Variants in TRIM37 observed in about 807,000 individuals in gnomAD.
The protein encoded by TRIM37 is E3 ubiquitin-protein ligase TRIM37.
Under a neutral mutation model 129.8 loss-of-function variants are expected in TRIM37, and 80 were observed. The observed-to-expected ratio is 0.62, with a 90% CI of 0.51 to 0.74. TRIM37 has a LOEUF of 0.74. Among genes scored for constraint, TRIM37 ranks in the 30% least tolerant of loss-of-function variants. The pLI is 0.00. For missense variants in TRIM37, 1,054 were observed against 1,176.5 expected, an observed-to-expected ratio of 0.90 and a Z score of 1.52; for synonymous variants, 389 against 387.1, an observed-to-expected ratio of 1.00 and a Z score of -0.06.
chr17:59,028,916 T>C (rs775361220), intron 18 of TRIM37, among the ~76,000 whole-genome samples, 193 bp from the exon 19 acceptor site: 23 of 152,226 alleles, frequency 1.5e-4, no homozygotes, highest in Non-Finnish European at 8.8e-5. Context: ...CCTTCAGAGT[T>C]AGAATCTGAG....
At chr17:59,039,618 T>C (rs1599075982) in intron 17 of TRIM37, among the ~76,000 whole-genome samples, 1 of 152,080 alleles carries the variant, frequency 6.6e-6, no homozygotes, top group East Asian at 1.9e-4. Flanking sequence ...GTGCTGGGAT[T>C]ACAGGTGTGA....
At chr17:59,038,022 C>T (rs570396737) in intron 17 of TRIM37, among the ~76,000 whole-genome samples, 1 of 152,044 alleles carries the variant, frequency 6.6e-6, no homozygotes, top group Non-Finnish European at 1.5e-5. Flanking sequence ...TATAAAGTAC[C>T]ATTGTCAACA....
chr17:58,972,402 G>A, the TRIM37 span: 2 of 1,014,576 alleles, frequency 2.0e-6, no homozygotes, highest in Non-Finnish European at 2.8e-6. Context: ...CCAGGCTGGA[G>A]TGCAATGGTG....
Position 59,014,946 on chromosome 17 carries a change from G to T in TRIM37, c.2576+664C>A, listed in dbSNP as rs943970577. ...AAAAAATCAGCTGGGCGTGGTGGTG[G>T]GCGCCTGTAGTCCTGGCTACTTGGA... On this transcript the variant is annotated intron_variant, in intron 21 of 23. Transcript: ENST00000262294. Among the ~76,000 whole-genome samples the T allele has an allele frequency of 5.9e-5, 9 of 151,360 alleles. 1 individual carries two copies. The highest frequency in any genetic ancestry group is 5.3e-4 in the Admixed American group (8 of 15,198).
rs1257525367 is a variant in TRIM37, at chr17:59,091,183, T to C, written c.164+117A>G. The stretch of plus-strand genomic sequence containing the variant: ...GTCAAATTGCTTATTTCTACTCAAC[T>C]ATCTTCACGAAGAAGAGAAATGGGC... On this transcript the variant is annotated intron_variant, in intron 3 of 23. Transcript: ENST00000262294. 8 of 549,962 alleles carry C rather than the reference T, an allele frequency of 1.5e-5. No individual in the cohort carries two copies. In the East Asian group the frequency reaches 3.1e-4, roughly 22 times the overall value. The allele number at this position is 549,962 out of a possible 1,614,324, so 34.1% of individuals were successfully genotyped here.
At chr17:58,991,626 C>G (rs1323209997) in intron 24 of TRIM37, among the ~76,000 whole-genome samples, 1 of 152,100 alleles carries the variant, frequency 6.6e-6, no homozygotes, top group Non-Finnish European at 1.5e-5. Context: ...CAGGATCGCT[C>G]TGAATATAGA....
intron 17 of TRIM37, among the ~76,000 whole-genome samples, chr17:59,039,014 T>G (rs1403439757): frequency 1.3e-5 from 2 of 152,176 alleles, no homozygotes; most frequent in South Asian, 2.1e-4. Context: ...AACCATGGAC[T>G]GGTTCTGGCC....
At chr17:59,032,125 C>T (rs769344386) in intron 17 of TRIM37, 35 bp from the exon 18 acceptor site, 3 of 1,595,060 alleles carry the variant, frequency 1.9e-6, no homozygotes, top group Non-Finnish European at 1.7e-6. Flanking sequence ...TATATATATG[C>T]ACAAACTTAG....
the TRIM37 span, among the ~76,000 whole-genome samples, chr17:58,969,980 A>G: frequency 1.3e-5 from 2 of 152,162 alleles, no homozygotes; most frequent in Non-Finnish European, 2.9e-5. Context: ...TAACTGCTGG[A>G]TTTGGCAGGT....
At chr17:59,032,531 C>CAAAAAAAAAA (rs35442859) in intron 17 of TRIM37, among the ~76,000 whole-genome samples, 2 of 84,782 alleles carry the variant, frequency 2.4e-5, no homozygotes, top group African/African-American at 9.3e-5. Flanking sequence ...GACTCCGTCT[C>CAAAAAAAAAA]AAAAAAAAAA....
chr17:58,971,590 G>A, the TRIM37 span, among the ~76,000 whole-genome samples: 1 of 152,176 alleles, frequency 6.6e-6, no homozygotes, highest in African/African-American at 2.4e-5. Context: ...TAGTACTCCA[G>A]GGAACGTAAG....
chr17:59,088,121 C>T (rs2043942165), intron 4 of TRIM37, 170 bp downstream of exon 4: 1 of 625,066 alleles, frequency 1.6e-6, no homozygotes, highest in Middle Eastern at 4.2e-4. Context: ...TAAATAAACA[C>T]AATAAGAATA....
At chr17:59,058,499 G>GT (rs1368894888) in intron 12 of TRIM37, among the ~76,000 whole-genome samples, 1 of 152,070 alleles carries the variant, frequency 6.6e-6, no homozygotes, top group African/African-American at 2.4e-5. Flanking sequence ...GTTTACCTAT[G>GT]TAACAAACCT....
downstream of TRIM37, among the ~76,000 whole-genome samples, chr17:58,996,105 T>C (rs2032964414): frequency 6.6e-6 from 1 of 152,102 alleles, no homozygotes; most frequent in Admixed American, 6.6e-5. Flanking sequence ...AACGTAAATC[T>C]ATAGTAGGAA....
downstream of TRIM37, among the ~76,000 whole-genome samples, chr17:58,995,237 T>C (rs1024796811): frequency 3.3e-5 from 5 of 152,152 alleles, no homozygotes; most frequent in South Asian, 2.1e-4. Flanking sequence ...TATCTATCCA[T>C]TGAGTGGGAC....
At chr17:59,019,344 G>A (rs945422046) in intron 19 of TRIM37, among the ~76,000 whole-genome samples, 2 of 152,180 alleles carry the variant, frequency 1.3e-5, no homozygotes, top group African/African-American at 4.8e-5. Context: ...GCCACAACAT[G>A]AATGAACCTT....
Position 59,088,078 on chromosome 17 carries a change from A to T in TRIM37, c.281+213T>A, listed in dbSNP as rs563520911. ...GTGGGGGGAGGGGAGGGCGAGAGGT[A>T]TCTGTGTATACATGGCATGAAATAA... On this transcript the variant is annotated intron_variant, in intron 4 of 23. Coordinates refer to ENST00000262294, the MANE Select transcript of TRIM37 (RefSeq NM_015294.6). The T allele has an allele frequency of 3.4e-4, 202 of 602,328 alleles. 1 individual carries two copies. Among genetic ancestry groups the T allele is most frequent in the African/African-American group, 3.2e-3 (174 of 54,024 alleles). The allele number at this position is 602,328 out of a possible 1,614,324, so 37.3% of individuals were successfully genotyped here.
intron 12 of TRIM37, among the ~76,000 whole-genome samples, chr17:59,059,803 C>T (rs1486853304): frequency 6.6e-6 from 1 of 152,196 alleles, no homozygotes; most frequent in African/African-American, 2.4e-5. Flanking sequence ...GAGCAGTGTT[C>T]AGTCTAGGGC....
intron 14 of TRIM37, among the ~76,000 whole-genome samples, chr17:59,050,852 C>T (rs1286167399): frequency 3.3e-5 from 5 of 151,746 alleles, no homozygotes; most frequent in Non-Finnish European, 5.9e-5. Flanking sequence ...TGGTGGCAGG[C>T]GCCTGTAGTC....
Sources: gnomAD v4.1 joint callset for allele counts (sites outside exome capture counted in the v4.1 genomes callset) on GRCh38, gnomAD v4.1.1 for gene constraint, MANE v1.5 for transcripts, NCBI Gene and HGNC (gene_info 2026-07-23, HGNC 2026-07-21) for gene names.